Variants in DPP6 observed in about 807,000 individuals in gnomAD.
DPP6 encodes A-type potassium channel modulatory protein DPP6.
In DPP6, 69 loss-of-function variants were observed where a neutral mutation model predicts 122.6. The observed-to-expected ratio is 0.56, with a 90% confidence interval of 0.46 to 0.69. The LOEUF is 0.69. Among genes scored for constraint, DPP6 ranks in the 30% least tolerant of loss-of-function variants. The pLI is 0.00. For synonymous variants in DPP6, 418 were observed against 433.1 expected, an observed-to-expected ratio of 0.97 and a Z score of 0.43; for missense variants, 928 against 1,116.9, an observed-to-expected ratio of 0.83 and a Z score of 2.41.
intron 1 of DPP6, among the ~76,000 whole-genome samples, chr7:154,207,350 T>C (rs1053116038): frequency 2.0e-5 from 3 of 152,250 alleles, no homozygotes; most frequent in Non-Finnish European, 2.9e-5. Context: ...ATTTTACTTT[T>C]AGATTTTATA....
chr7:153,954,000 C>T (rs1392844976), intron 1 of DPP6, among the ~76,000 whole-genome samples: 2 of 152,184 alleles, frequency 1.3e-5, no homozygotes, highest in Non-Finnish European at 2.9e-5. Context: ...TTAAGGCCTT[C>T]TGCAAATCAG....
the DPP6 span, among the ~76,000 whole-genome samples, chr7:153,768,509 A>ATAAG: frequency 6.6e-6 from 1 of 152,106 alleles, no homozygotes; most frequent in Non-Finnish European, 1.5e-5. Context: ...GCTGGTTTAT[A>ATAAG]TAAGGGCTTC....
At chr7:154,011,071 C>T (rs1214919212) in intron 1 of DPP6, among the ~76,000 whole-genome samples, 1 of 152,088 alleles carries the variant, frequency 6.6e-6, no homozygotes, top group Admixed American at 6.6e-5. Context: ...TAACATAATA[C>T]CCCTATCCCT....
At chr7:154,810,221 A>G (rs1798964446) in intron 16 of DPP6, among the ~76,000 whole-genome samples, 1 of 152,148 alleles carries the variant, frequency 6.6e-6, no homozygotes, top group Non-Finnish European at 1.5e-5. Context: ...GTTCAAGCTC[A>G]AGTTCAGTCT....
At chr7:154,343,414 G>A (rs190692294) in intron 1 of DPP6, among the ~76,000 whole-genome samples, 2 of 152,348 alleles carry the variant, frequency 1.3e-5, no homozygotes, top group African/African-American at 2.4e-5. Flanking sequence ...CAGCTGCTGC[G>A]GTCTTGATTT....
At position 154,618,431 on chromosome 7, in the gene DPP6, C is replaced by T. The variant is rs1834409474; in HGVS notation, c.628-19390C>T. Among the ~76,000 whole-genome samples, 1 of 152,142 alleles carries T rather than the reference C, an allele frequency of 6.6e-6. No homozygotes were observed. The highest frequency in any genetic ancestry group is 2.4e-5 in the African/African-American group (1 of 41,450). On this transcript the variant is annotated intron_variant, in intron 5 of 25. Coordinates refer to ENST00000377770, the MANE Select transcript of DPP6 (RefSeq NM_130797.4). This position sits in a 1 kb window ranked among gnomAD's most constrained non-coding sequence, Gnocchi z 4.1. ...CCTGTGCACACACACTGTTGCTTGC[C>T]CAGACATGCTTCCCCTTTGTCTTGT...
chr7:153,962,122 C>T (rs2531106), intron 1 of DPP6, among the ~76,000 whole-genome samples: 1 of 151,764 alleles, frequency 6.6e-6, no homozygotes, highest in African/African-American at 2.4e-5. Flanking sequence ...ATAAAGGCAG[C>T]ATGAATGCTT....
intron 7 of DPP6, among the ~76,000 whole-genome samples, chr7:154,674,648 G>T (rs549241057): frequency 6.6e-6 from 1 of 152,346 alleles, no homozygotes; most frequent in Admixed American, 6.5e-5. Context: ...AGTGATAAAT[G>T]AAGAGCTTTG....
chr7:153,839,216 T>C, the DPP6 span, among the ~76,000 whole-genome samples: 1 of 152,224 alleles, frequency 6.6e-6, no homozygotes, highest in Non-Finnish European at 1.5e-5. Flanking sequence ...AAAAAATATC[T>C]GAATTCTTAC....
chr7:154,796,162 T>C, intron 12 of DPP6: 1 of 439,322 alleles, frequency 2.3e-6, no homozygotes, highest in East Asian at 3.5e-5. Flanking sequence ...TGCAGTTAGA[T>C]GCCAGCACCT....
intron 8 of DPP6, among the ~76,000 whole-genome samples, chr7:154,739,843 A>G (rs150091651): frequency 7.9e-5 from 12 of 152,330 alleles, no homozygotes; most frequent in Non-Finnish European, 1.8e-4. Context: ...AGTGTCCCAG[A>G]GGACAGTGGG....
intron 7 of DPP6, among the ~76,000 whole-genome samples, chr7:154,687,095 T>G (rs947948972): frequency 4.6e-5 from 7 of 152,210 alleles, no homozygotes; most frequent in African/African-American, 1.7e-4. Flanking sequence ...TACATCAACA[T>G]AGTATAGATA....
intron 1 of DPP6, among the ~76,000 whole-genome samples, chr7:154,012,554 CA>C (rs1045195960): frequency 1.3e-5 from 2 of 152,064 alleles, no homozygotes; most frequent in African/African-American, 4.8e-5. Context: ...AACACTTTTG[CA>C]AATTGAATAT....
intron 1 of DPP6, among the ~76,000 whole-genome samples, chr7:154,373,395 G>C (rs1056794145): frequency 3.9e-5 from 6 of 152,174 alleles, no homozygotes; most frequent in African/African-American, 1.4e-4. Context: ...CATGGTGTTT[G>C]CTTCGTGAGG....
chr7:154,133,541 G>A (rs1795394479), intron 1 of DPP6, among the ~76,000 whole-genome samples: 1 of 152,100 alleles, frequency 6.6e-6, no homozygotes, highest in Non-Finnish European at 1.5e-5. Context: ...TAGGCATGAG[G>A]CATAATACTG....
intron 7 of DPP6, among the ~76,000 whole-genome samples, chr7:154,695,708 T>C (rs898120895): frequency 6.6e-6 from 1 of 152,138 alleles, no homozygotes; most frequent in Non-Finnish European, 1.5e-5. Context: ...AGGCAGGCTG[T>C]GAGGTGGCTG....
intron 5 of DPP6, among the ~76,000 whole-genome samples, chr7:154,612,097 C>T (rs1475766803): frequency 1.3e-5 from 2 of 152,210 alleles, no homozygotes; most frequent in Admixed American, 6.5e-5. Context: ...CTGTCTTGCC[C>T]TTCTGCCTTC....
chr7:153,998,654 A>G (rs1312675007), intron 1 of DPP6, among the ~76,000 whole-genome samples: 5 of 152,128 alleles, frequency 3.3e-5, no homozygotes, highest in African/African-American at 9.7e-5. Context: ...TGATTACACT[A>G]TTTTTCTTCA....
intron 22 of DPP6, among the ~76,000 whole-genome samples, chr7:154,887,002 A>G (rs1055678247): frequency 6.6e-6 from 1 of 152,204 alleles, no homozygotes; most frequent in African/African-American, 2.4e-5. Context: ...TAATTCTTTC[A>G]TCATGCTGTT....
Sources: allele counts gnomAD v4.1 joint callset (sites outside exome capture counted in the v4.1 genomes callset), GRCh38; gene constraint gnomAD v4.1.1; non-coding constraint Gnocchi (gnomAD v3.1); transcripts MANE v1.5; gene names NCBI Gene and HGNC (gene_info 2026-07-23, HGNC 2026-07-21).